Variants in PDE4D observed in about 807,000 individuals in gnomAD.
PDE4D encodes phosphodiesterase 4D.
PDE4D carries 24 observed loss-of-function variants against 87.4 expected under a neutral mutation model. The ratio of observed to expected loss-of-function variants is 0.27; its 90% confidence interval spans 0.20 to 0.39. PDE4D has a LOEUF of 0.39. Among genes scored for constraint, PDE4D ranks in the 10% least tolerant of loss-of-function variants. PDE4D has a pLI of 1.00. For missense variants in PDE4D, 714 were observed against 1,041.0 expected, an observed-to-expected ratio of 0.69 and a Z score of 4.32; for synonymous variants, 384 against 383.2, an observed-to-expected ratio of 1.00 and a Z score of -0.02.
At chr5:59,540,011 T>C (rs1315112960) in intron 1 of PDE4D, among the ~76,000 whole-genome samples, 1 of 152,196 alleles carries the variant, frequency 6.6e-6, no homozygotes, top group Non-Finnish European at 1.5e-5. Flanking sequence ...TGGAGGTCTT[T>C]GTAAAATGCA....
At chr5:59,567,915 TAC>T (rs1209828358) in intron 1 of PDE4D, among the ~76,000 whole-genome samples, 1 of 152,208 alleles carries the variant, frequency 6.6e-6, no homozygotes, top group Non-Finnish European at 1.5e-5. Flanking sequence ...TAGATATGTG[TAC>T]ATACACAGGT....
At chr5:58,978,007 A>G (rs1250115211) in intron 11 of PDE4D, among the ~76,000 whole-genome samples, 9 of 152,116 alleles carry the variant, frequency 5.9e-5, no homozygotes, top group African/African-American at 2.2e-4. Context: ...TCTGGTGAAG[A>G]TTCTGCCACT....
intron 1 of PDE4D, among the ~76,000 whole-genome samples, chr5:59,476,979 T>C (rs71627960): frequency 0.12 from 18,155 of 151,904 alleles, 1,365 homozygotes; most frequent in South Asian, 0.18. Flanking sequence ...TATCCAGAGA[T>C]AATAGTAACA....
chr5:60,286,116 G>T (rs879858836), intron 1 of PDE4D, among the ~76,000 whole-genome samples: 21 of 152,190 alleles, frequency 1.4e-4, no homozygotes, highest in Middle Eastern at 3.4e-3. Context: ...ATGAATTCAG[G>T]CATAGCTATC....
chr5:59,432,699 A>C (rs1222877344), intron 1 of PDE4D, among the ~76,000 whole-genome samples: 4 of 152,164 alleles, frequency 2.6e-5, no homozygotes. Context: ...ACTACTATTA[A>C]GGTGTCGCAA....
chr5:59,793,990 C>T (rs1766131622), intron 1 of PDE4D, among the ~76,000 whole-genome samples: 1 of 152,104 alleles, frequency 6.6e-6, no homozygotes, highest in African/African-American at 2.4e-5. Flanking sequence ...GTGGTATTTG[C>T]CAATATGGGA....
intron 1 of PDE4D, among the ~76,000 whole-genome samples, chr5:59,669,413 T>C (rs1746804672): frequency 6.6e-6 from 1 of 152,150 alleles, no homozygotes. Flanking sequence ...TGCCCGGCCT[T>C]AGTTCCCTCT....
chr5:59,797,463 G>A (rs1422407052), intron 1 of PDE4D, among the ~76,000 whole-genome samples: 3 of 152,188 alleles, frequency 2.0e-5, no homozygotes, highest in East Asian at 1.9e-4. Flanking sequence ...GCCATTAAGT[G>A]CTCCTTGCTA....
intron 1 of PDE4D, among the ~76,000 whole-genome samples, chr5:59,436,752 A>T (rs1367938157): frequency 6.6e-6 from 1 of 152,184 alleles, no homozygotes; most frequent in South Asian, 2.1e-4. Context: ...TTCTCCAGCT[A>T]ATGGAGCCTC....
intron 1 of PDE4D, among the ~76,000 whole-genome samples, chr5:59,296,877 G>T (rs1769214012): frequency 1.3e-5 from 2 of 152,124 alleles, no homozygotes; most frequent in Non-Finnish European, 2.9e-5. Context: ...TTAAAGGGAA[G>T]AATTCTGTGC....
At position 59,768,427 on chromosome 5, in the gene PDE4D, T is replaced by A. The variant is rs1763077688; in HGVS notation, c.455+124741A>T. The stretch of plus-strand genomic sequence containing the variant: ...GTTTTCTCGCAAGGATTTCACAAGG[T>A]CTTCGTTCAGCCACGGGTTTGGACA... On this transcript the variant is annotated intron_variant, in intron 1 of 14. Coordinates refer to ENST00000340635, the MANE Select transcript of PDE4D (RefSeq NM_001104631.2). The A allele has an allele frequency of 2.5e-6, 4 of 1,598,260 alleles. No homozygotes were observed. The South Asian group carries it at 4.4e-5, about 18-fold the overall frequency.
chr5:59,379,692 T>C (rs1159440432), intron 1 of PDE4D, among the ~76,000 whole-genome samples: 1 of 152,122 alleles, frequency 6.6e-6, no homozygotes, highest in Non-Finnish European at 1.5e-5. Context: ...GTGAAATACA[T>C]AGAATATACC....
At chr5:59,382,510 A>T (rs1323962238) in intron 1 of PDE4D, among the ~76,000 whole-genome samples, 2 of 152,150 alleles carry the variant, frequency 1.3e-5, no homozygotes, top group African/African-American at 4.8e-5. Flanking sequence ...TTATTTCTTA[A>T]TTATCACTGT....
intron 1 of PDE4D, among the ~76,000 whole-genome samples, chr5:60,248,224 C>T (rs960150234): frequency 6.6e-6 from 1 of 151,748 alleles, no homozygotes; most frequent in Non-Finnish European, 1.5e-5. Context: ...GTGTGTAATA[C>T]GGATATCTGG....
At chr5:60,304,865 C>A (rs1754333022) in intron 1 of PDE4D, among the ~76,000 whole-genome samples, 1 of 151,788 alleles carries the variant, frequency 6.6e-6, no homozygotes, top group Non-Finnish European at 1.5e-5. Context: ...GGCAACTAAA[C>A]CCAACAATAT....
At chr5:59,936,934 A>T (rs1275195518) in intron 3 of PDE4D, among the ~76,000 whole-genome samples, 1 of 152,232 alleles carries the variant, frequency 6.6e-6, no homozygotes, top group African/African-American at 2.4e-5. Context: ...TTCCTCCATC[A>T]TGTAGTTCAA....
chr5:60,044,455 C>A (rs1392838157), intron 2 of PDE4D, among the ~76,000 whole-genome samples: 2 of 152,130 alleles, frequency 1.3e-5, no homozygotes, highest in East Asian at 1.9e-4. Context: ...TGCTGGTGTG[C>A]TGCACCCACT....
chr5:59,732,862 C>G (rs1009992673), intron 1 of PDE4D, among the ~76,000 whole-genome samples: 3 of 150,456 alleles, frequency 2.0e-5, no homozygotes, highest in Admixed American at 6.6e-5. Flanking sequence ...AATAATAACC[C>G]CATGAATAAT....
rs143090133 is a variant in PDE4D at position 58,989,926 on chromosome 5, G to GA, written c.1288-8dup. Reference sequence around the variant, plus strand: ...TTTTTAATAAATCCCGTTCCTGTAGGAAAAAAAATCATCTTAACATTTTTG... The same window carrying GA: ...TTTTTAATAAATCCCGTTCCTGTAGGAAAAAAAAATCATCTTAACATTTTTG... On this transcript the variant is annotated splice_polypyrimidine_tract_variant and splice_region_variant and intron_variant, in intron 9 of 14. Coordinates refer to ENST00000340635, the MANE Select transcript of PDE4D (RefSeq NM_001104631.2). 13,573 of 1,466,354 alleles carry GA rather than the reference G, an allele frequency of 9.3e-3. 85 individuals are homozygous for GA. The highest frequency in any genetic ancestry group is 0.032 in the African/African-American group (2,254 of 69,998). 90.8% of individuals were successfully genotyped at this position (1,466,354 alleles called of 1,614,324 possible).
Sources: gnomAD v4.1 joint callset for allele counts (sites outside exome capture counted in the v4.1 genomes callset) on GRCh38, gnomAD v4.1.1 for gene constraint, MANE v1.5 for transcripts, NCBI Gene and HGNC (gene_info 2026-07-23, HGNC 2026-07-21) for gene names.